The following ADAMTS19 variants were observed in gnomAD, a reference collection of about 807,000 sequenced individuals.
ADAMTS19 encodes the protein A disintegrin and metalloproteinase with thrombospondin motifs 19.
ADAMTS19 carries 93 observed loss-of-function variants against 153.3 expected under a neutral mutation model. The observed-to-expected ratio is 0.61, with a 90% CI of 0.51 to 0.72. The LOEUF is 0.72. ADAMTS19 is among the 30% of genes least tolerant of loss of function. The pLI, the probability that ADAMTS19 is intolerant of heterozygous loss-of-function variation, is 0.00. For missense variants in ADAMTS19, 1,482 were observed against 1,552.1 expected, an observed-to-expected ratio of 0.95 and a Z score of 0.76; for synonymous variants, 600 against 556.6, an observed-to-expected ratio of 1.08 and a Z score of -1.10.
intron 3 of ADAMTS19, among the ~76,000 whole-genome samples, chr5:129,511,550 A>G (rs545094659): frequency 6.3e-4 from 96 of 151,838 alleles, no homozygotes; most frequent in African/African-American, 2.2e-3. Flanking sequence ...GAGGTGAAGA[A>G]TATATTATTT....
chr5:129,735,744 A>G (rs556308310), intron 22 of ADAMTS19, among the ~76,000 whole-genome samples: 1 of 152,196 alleles, frequency 6.6e-6, no homozygotes, highest in Admixed American at 6.6e-5. Flanking sequence ...ATAATTGAGA[A>G]TTAGACTACA....
rs1485727525 is a variant in ADAMTS19 at position 129,684,385 on chromosome 5, G to A, written c.2818+112G>A. The A allele has an allele frequency of 5.8e-6, 8 of 1,377,912 alleles. No individual in the cohort carries two copies. In the South Asian group the frequency reaches 1.2e-4, roughly 21 times the overall value. The allele number at this position is 1,377,912 out of a possible 1,614,324, so 85.4% of individuals were successfully genotyped here. Reference sequence around the variant, plus strand: ...AATCTGCAATTCCAAAATCCATAAAGAGTTAGAAATGGAAAGTTTTATATG... The same window carrying A: ...AATCTGCAATTCCAAAATCCATAAAAAGTTAGAAATGGAAAGTTTTATATG... On this transcript the variant is annotated intron_variant, in intron 18 of 22. Coordinates refer to ENST00000274487, the MANE Select transcript of ADAMTS19 (RefSeq NM_133638.6).
chr5:129,723,723 G>T (rs1757095661), intron 21 of ADAMTS19, among the ~76,000 whole-genome samples: 1 of 152,174 alleles, frequency 6.6e-6, no homozygotes. Flanking sequence ...AATATTTAAA[G>T]AGATTTATTC....
intron 2 of ADAMTS19, among the ~76,000 whole-genome samples, chr5:129,500,993 A>C (rs1055546525): frequency 1.2e-4 from 18 of 152,164 alleles, no homozygotes; most frequent in African/African-American, 4.3e-4. Flanking sequence ...CTGTGTGTAC[A>C]TGCAAACGTA....
At chr5:129,632,690 TCTTTTA>T (rs1033361923) in intron 10 of ADAMTS19, among the ~76,000 whole-genome samples, 3 of 152,046 alleles carry the variant, frequency 2.0e-5, no homozygotes, top group Admixed American at 6.6e-5. Flanking sequence ...TTTTTCTTTT[TCTTTTA>T]CCATCTCAGA....
intron 2 of ADAMTS19, among the ~76,000 whole-genome samples, chr5:129,496,490 T>C (rs1750931759): frequency 6.6e-6 from 1 of 152,084 alleles, no homozygotes; most frequent in South Asian, 2.1e-4. Context: ...AGTGCTATGG[T>C]CCTTGAGTAG....
chr5:129,590,336 T>A (rs1213131212), intron 7 of ADAMTS19, among the ~76,000 whole-genome samples: 1 of 152,144 alleles, frequency 6.6e-6, no homozygotes, highest in Non-Finnish European at 1.5e-5. Context: ...TTCAAAAAAA[T>A]GTATTTTACC....
chr5:129,478,713 A>T (rs1208033914), intron 2 of ADAMTS19, among the ~76,000 whole-genome samples: 4 of 150,664 alleles, frequency 2.7e-5, no homozygotes, highest in South Asian at 4.2e-4. Context: ...TAGTTTTTAC[A>T]TTTTTTTTTG....
At chr5:129,729,137 C>T (rs1037675452) in intron 21 of ADAMTS19, among the ~76,000 whole-genome samples, 1 of 151,776 alleles carries the variant, frequency 6.6e-6, no homozygotes. Context: ...ACTACAATAC[C>T]TTGTCTAACA....
intron 6 of ADAMTS19, among the ~76,000 whole-genome samples, chr5:129,549,688 A>G (rs1752994865): frequency 6.6e-6 from 1 of 151,248 alleles, no homozygotes; most frequent in African/African-American, 2.4e-5. Context: ...TGTATATCAG[A>G]GCTTTTAAGA....
At chr5:129,467,393 C>A (rs1749901145) in intron 2 of ADAMTS19, among the ~76,000 whole-genome samples, 1 of 152,080 alleles carries the variant, frequency 6.6e-6, no homozygotes, top group Non-Finnish European at 1.5e-5. Flanking sequence ...GGTTAAGAGA[C>A]CCCTTTTTCA....
chr5:129,552,621 G>A (rs994594134), intron 7 of ADAMTS19, among the ~76,000 whole-genome samples: 2 of 151,512 alleles, frequency 1.3e-5, no homozygotes, highest in Non-Finnish European at 2.9e-5. Flanking sequence ...ATCTAATTTT[G>A]GCATATCATG....
At chr5:129,592,914 T>C (rs1217174258) in intron 7 of ADAMTS19, among the ~76,000 whole-genome samples, 1 of 152,200 alleles carries the variant, frequency 6.6e-6, no homozygotes, top group African/African-American at 2.4e-5. Context: ...CATACCTCTA[T>C]GTAAGTATGC....
At chr5:129,632,568 T>C (rs1185766084) in intron 10 of ADAMTS19, among the ~76,000 whole-genome samples, 2 of 152,060 alleles carry the variant, frequency 1.3e-5, no homozygotes, top group African/African-American at 4.8e-5. Context: ...TCTCCATGTC[T>C]TTTAGTTGGG....
intron 7 of ADAMTS19, among the ~76,000 whole-genome samples, chr5:129,593,155 A>G (rs1266704511): frequency 1.3e-5 from 2 of 152,086 alleles, no homozygotes; most frequent in African/African-American, 4.8e-5. Flanking sequence ...TATACTTGTC[A>G]CATTCCTCCT....
At chr5:129,481,574 G>GTA (rs1273155418) in intron 2 of ADAMTS19, among the ~76,000 whole-genome samples, 1 of 152,130 alleles carries the variant, frequency 6.6e-6, no homozygotes, top group African/African-American at 2.4e-5. Flanking sequence ...GATAATAGTT[G>GTA]TAGTAACACT....
intron 7 of ADAMTS19, among the ~76,000 whole-genome samples, chr5:129,560,047 A>G (rs560979147): frequency 1.3e-5 from 2 of 152,320 alleles, no homozygotes; most frequent in South Asian, 2.1e-4. Context: ...TGGTATGAAA[A>G]TGTCTTAATT....
intron 19 of ADAMTS19, among the ~76,000 whole-genome samples, chr5:129,700,271 T>TG (rs534600324): frequency 2.2e-4 from 33 of 152,300 alleles, no homozygotes; most frequent in African/African-American, 7.9e-4. Context: ...AGAATAATAT[T>TG]GGAGTCCTGA....
chr5:129,638,599 ACAC>A (rs1171562757), intron 10 of ADAMTS19, among the ~76,000 whole-genome samples: 1 of 149,426 alleles, frequency 6.7e-6, no homozygotes, highest in Non-Finnish European at 1.5e-5. Context: ...ACACACACAC[ACAC>A]AAGCTATTCT....
Sources: gnomAD v4.1 joint callset for allele counts (sites outside exome capture counted in the v4.1 genomes callset) on GRCh38, gnomAD v4.1.1 for gene constraint, MANE v1.5 for transcripts, NCBI Gene and HGNC (gene_info 2026-07-23, HGNC 2026-07-21) for gene names.